Variants in NAB1 observed in about 807,000 individuals in gnomAD.
The protein encoded by NAB1 is NGFI-A binding protein 1.
Under a neutral mutation model 49.9 loss-of-function variants are expected in NAB1, and 25 were observed. The ratio of observed to expected loss-of-function variants is 0.50; its 90% CI spans 0.37 to 0.70. The LOEUF (loss-of-function observed/expected upper bound fraction) is 0.70, where lower values mean the gene tolerates loss of function less well. Among genes scored for constraint, NAB1 ranks in the 30% least tolerant of loss-of-function variants. The pLI is 0.00. For synonymous variants in NAB1, 198 were observed against 215.6 expected (o/e 0.92, Z 0.71); for missense variants, 489 against 575.9 (o/e 0.85, Z 1.54).
rs997805236 is a variant in NAB1 at position 190,651,108 on chromosome 2, A to G, written c.-197+1126A>G. ...TAATGACAACATTGAGGAACTGTAG[A>G]TTTTTATTTTATTCTGCCTGCTAAT... On this transcript the variant is annotated intron_variant, in intron 2 of 9. Transcript: ENST00000337386. The surrounding 1 kb of genome is among the most constrained non-coding windows in gnomAD (Gnocchi z 4.3). Among the ~76,000 whole-genome samples the G allele has an allele frequency of 2.0e-5, 3 of 152,172 alleles. No individual in the cohort carries two copies. Among genetic ancestry groups the G allele is most frequent in the African/African-American group, 7.2e-5 (3 of 41,442 alleles).
intron 2 of NAB1, among the ~76,000 whole-genome samples, 165 bp downstream of exon 2, chr2:190,650,147 T>A (rs1693585292): frequency 6.6e-6 from 1 of 152,186 alleles, no homozygotes; most frequent in African/African-American, 2.4e-5. Flanking sequence ...GAATATACAT[T>A]TGTCGATTCT....
Position 190,665,934 on chromosome 2 carries a change from T to TGG in NAB1, c.820-4390_820-4389dup, listed in dbSNP as rs1257721248. Among the ~76,000 whole-genome samples, 5 of 152,162 alleles carry TGG rather than the reference T, an allele frequency of 3.3e-5. 1 individual carries two copies. The highest frequency in any genetic ancestry group is 7.4e-5 in the Non-Finnish European group (5 of 68,026). On this transcript the variant is annotated intron_variant, in intron 4 of 9. Coordinates refer to ENST00000337386, the MANE Select transcript of NAB1 (RefSeq NM_005966.4). Reference sequence around the variant, plus strand: ...TAGACTCTTCAATTCTGATGGGCTGTGGGCTTTGCCTCTTTTTTCCTTCCC... The same window carrying TGG: ...TAGACTCTTCAATTCTGATGGGCTGTGGGGGCTTTGCCTCTTTTTTCCTTCCC...
rs1023572449 is a variant in NAB1 at position 190,676,221 on chromosome 2, CATT to C, written c.1005+3072_1005+3074del. Among the ~76,000 whole-genome samples, 4 of 151,808 alleles carry C rather than the reference CATT, an allele frequency of 2.6e-5. No homozygotes were observed. Among genetic ancestry groups the C allele is most frequent in the African/African-American group, 9.7e-5 (4 of 41,322 alleles). ...CGATGTGGGGAGGGGATTGGGGTGG[CATT>C]ATAAAGATAGACTAGCATGGGCAAA... On this transcript the variant is annotated intron_variant, in intron 6 of 9. Transcript: ENST00000337386. The surrounding 1 kb of genome is among the most constrained non-coding windows in gnomAD (Gnocchi z 4.6).
At chr2:190,673,836 C>A (rs10931468) in intron 6 of NAB1, among the ~76,000 whole-genome samples, 27,651 of 152,072 alleles carry the variant, frequency 0.18, 2,887 homozygotes, top group East Asian at 0.4. Flanking sequence ...TAGGACTCTC[C>A]GAACTATAGA....
chr2:190,664,614 T>TTTTTTTG (rs1553548974), intron 4 of NAB1, among the ~76,000 whole-genome samples: 10 of 111,872 alleles, frequency 8.9e-5, no homozygotes, highest in South Asian at 3.2e-4. Flanking sequence ...TTTTTTTTTT[T>TTTTTTTG]GTAGGGACAG....
intron 4 of NAB1, among the ~76,000 whole-genome samples, chr2:190,661,309 T>C (rs1694213590): frequency 6.6e-6 from 1 of 152,206 alleles, no homozygotes; most frequent in South Asian, 2.1e-4. Context: ...ATTACTTAAG[T>C]CATAGCCAGC....
rs754019617 is a variant in NAB1 at position 190,690,311 on chromosome 2, C to T, written c.1442C>T (p.Thr481Ile). ...ACCTTAGAAAAGAAAGTCATCAAAACAGAGCCTGAAGATTCAAGATAGCTG... is the reference window on the plus strand; with the variant it reads ...ACCTTAGAAAAGAAAGTCATCAAAATAGAGCCTGAAGATTCAAGATAGCTG... ...AFTLEKKVIK[T>I]EPEDSR Residue 481 changes from threonine to isoleucine, a missense_variant, in exon 10 of 10, where the codon ACA (threonine) becomes ATA (isoleucine). By Grantham distance (89) the Thr-to-Ile change is moderately conservative. Transcript: ENST00000337386. The T allele has an allele frequency of 6.2e-7, 1 of 1,611,828 alleles. No individual in the cohort carries two copies. The highest frequency in any genetic ancestry group is 1.3e-5 in the African/African-American group (1 of 74,956).
rs1422407793 is a variant in NAB1, at chr2:190,657,543, T to C, written c.-20+1390T>C. 2.0e-5 allele frequency among the ~76,000 whole-genome samples: 3 copies of C among 152,240 alleles called. No individual in the cohort carries two copies. ...TTTCCTGGGTTTTAGTAGAAGCTAC[T>C]GGGCCCTAATTCAGCCTTTGTTGTC... is the stretch of plus-strand genomic sequence containing the variant. On this transcript the variant is annotated intron_variant, in intron 3 of 9. Coordinates refer to ENST00000337386, the MANE Select transcript of NAB1 (RefSeq NM_005966.4). The surrounding 1 kb of genome is among the most constrained non-coding windows in gnomAD (Gnocchi z 4.4).
At position 190,677,327 on chromosome 2, in the gene NAB1, AAT is replaced by A. The variant is rs1695122474; in HGVS notation, c.1005+4180_1005+4181del. On this transcript the variant is annotated intron_variant, in intron 6 of 9. Transcript: ENST00000337386. This position sits in a 1 kb window ranked among gnomAD's most constrained non-coding sequence, Gnocchi z 5.6. Reference sequence around the variant, plus strand: ...ACAGATTTTGAACTTTAATTCCTAGAATATATGAGATGGACATGGAGAAAAAG... The same window carrying A: ...ACAGATTTTGAACTTTAATTCCTAGAATATGAGATGGACATGGAGAAAAAG... 1.3e-5 allele frequency: 2 copies of A among 152,226 alleles called. No individual in the cohort carries two copies. The highest frequency in any genetic ancestry group is 2.9e-5 in the Non-Finnish European group (2 of 68,034). 9.4% of individuals were successfully genotyped at this position (152,226 alleles called of 1,614,324 possible).
chr2:190,655,403 C>T (rs1352563319), intron 2 of NAB1, among the ~76,000 whole-genome samples: 2 of 151,628 alleles, frequency 1.3e-5, no homozygotes, highest in Non-Finnish European at 2.9e-5. Flanking sequence ...GTGAGATCAT[C>T]AAAAGAAAAT....
Position 190,659,599 on chromosome 2 carries a change from G to T in NAB1, c.423G>T (p.Gln141His). 1 of 1,614,234 alleles carries T rather than the reference G, an allele frequency of 6.2e-7. No individual in the cohort carries two copies. The highest frequency in any genetic ancestry group is 8.5e-7 in the Non-Finnish European group (1 of 1,180,038). Residue 141 changes from glutamine (Q) to histidine (H), a missense_variant, in exon 4 of 10, where the codon CAG becomes CAT. Coordinates refer to ENST00000337386, the MANE Select transcript of NAB1 (RefSeq NM_005966.4). The surrounding 1 kb of genome is among the most constrained non-coding windows in gnomAD (Gnocchi z 6.2). Reference protein sequence around the residue: ...AATTCVQSLGQGKSDVVGSLA... With the variant: ...AATTCVQSLGHGKSDVVGSLA... Reference sequence around the variant, plus strand: ...CCACCTGTGTGCAGAGCTTGGGACAGGGGAAGTCAGATGTGGTTGGGAGCC... The same window carrying T: ...CCACCTGTGTGCAGAGCTTGGGACATGGGAAGTCAGATGTGGTTGGGAGCC...
In NAB1 at chr2:190,689,748, T is replaced by C. The variant is rs1695822336; in HGVS notation, c.1376-497T>C. Among the ~76,000 whole-genome samples, 1 of 152,110 alleles carries C rather than the reference T, an allele frequency of 6.6e-6. No individual in the cohort carries two copies. The highest frequency in any genetic ancestry group is 2.1e-4 in the South Asian group (1 of 4,824). ...ACTTTAAAAAATAGTTCCAAGGTTA[T>C]GAAGATATTTTTCAGTCTGATTCCT... On this transcript the variant is annotated intron_variant, in intron 9 of 9. Coordinates refer to ENST00000337386, the MANE Select transcript of NAB1 (RefSeq NM_005966.4). The surrounding 1 kb of genome is among the most constrained non-coding windows in gnomAD (Gnocchi z 4.3).
intron 7 of NAB1, 131 bp downstream of exon 7, chr2:190,683,958 A>C: frequency 1.4e-6 from 1 of 705,422 alleles, no homozygotes; most frequent in Middle Eastern, 3.0e-4. Context: ...TTAAAACGTC[A>C]TCTGAGCCAC....
At chr2:190,650,598 G>A (rs1380784352) in intron 2 of NAB1, among the ~76,000 whole-genome samples, 2 of 152,076 alleles carry the variant, frequency 1.3e-5, no homozygotes, top group Non-Finnish European at 2.9e-5. Flanking sequence ...TTTGTGTGTG[G>A]GTTATAAGAA....
rs2125506120 is a variant in NAB1, at chr2:190,649,421, C to T, written c.-334+61C>T. Reference sequence around the variant, plus strand: ...CGCCAAGTGCGGGACACTTTCGCGGCTGAGCGGCCACGGGCGAACTTGGGG... The same window carrying T: ...CGCCAAGTGCGGGACACTTTCGCGGTTGAGCGGCCACGGGCGAACTTGGGG... On this transcript the variant is annotated intron_variant, in intron 1 of 9. Transcript: ENST00000337386. The surrounding 1 kb of genome is among the most constrained non-coding windows in gnomAD (Gnocchi z 6.1). 1 of 152,380 alleles carries T rather than the reference C, an allele frequency of 6.6e-6. No homozygotes were observed. The highest frequency in any genetic ancestry group is 2.4e-5 in the African/African-American group (1 of 41,568). 9.4% of individuals were successfully genotyped at this position (152,380 alleles called of 1,614,324 possible). A position where few individuals can be genotyped will look rare whatever the true frequency, so the allele number is the denominator to read the frequency against.
At chr2:190,662,918 A>G (rs1326902920) in intron 4 of NAB1, among the ~76,000 whole-genome samples, 2 of 152,198 alleles carry the variant, frequency 1.3e-5, no homozygotes, top group South Asian at 2.1e-4. Context: ...ACCCAGGCCT[A>G]TAGAATAAAC....
rs1255467872 is a variant in NAB1, at chr2:190,654,297, T to G, written c.-196-1680T>G. On this transcript the variant is annotated intron_variant, in intron 2 of 9. Coordinates refer to ENST00000337386, the MANE Select transcript of NAB1 (RefSeq NM_005966.4). The surrounding 1 kb of genome is among the most constrained non-coding windows in gnomAD (Gnocchi z 5.6). ...TTAAGTCTCTGCTTCTTGTCTCTCCTTGCTCTTAACTGACTCTCCATGAAG... is the reference window on the plus strand; with the variant it reads ...TTAAGTCTCTGCTTCTTGTCTCTCCGTGCTCTTAACTGACTCTCCATGAAG... 6.6e-6 allele frequency among the ~76,000 whole-genome samples: 1 copy of G among 152,224 alleles called. No individual in the cohort carries two copies. Among genetic ancestry groups the G allele is most frequent in the African/African-American group, 2.4e-5 (1 of 41,458 alleles).
upstream of NAB1, chr2:190,649,046 G>T (rs985318479): frequency 2.0e-5 from 3 of 146,746 alleles, no homozygotes; most frequent in Non-Finnish European, 4.6e-5. This position sits in a 1 kb window ranked among gnomAD's most constrained non-coding sequence, Gnocchi z 6.1. Flanking sequence ...AGGCAGGGGA[G>T]GGGAGGGCAA....
At position 190,676,116 on chromosome 2, in the gene NAB1, G is replaced by A. The variant is rs1268607943; in HGVS notation, c.1005+2964G>A. On this transcript the variant is annotated intron_variant, in intron 6 of 9. Transcript: ENST00000337386. This position sits in a 1 kb window ranked among gnomAD's most constrained non-coding sequence, Gnocchi z 4.6. ...TGGGGAGAGGGAGAATTTCTGGTATGAGAAGAGATCAGGGGAGACTATTGG... is the reference window on the plus strand; with the variant it reads ...TGGGGAGAGGGAGAATTTCTGGTATAAGAAGAGATCAGGGGAGACTATTGG... Among the ~76,000 whole-genome samples the A allele has an allele frequency of 3.3e-5, 5 of 152,134 alleles. No individual in the cohort carries two copies. Among genetic ancestry groups the A allele is most frequent in the Non-Finnish European group, 7.4e-5 (5 of 68,020 alleles).
Sources: allele counts gnomAD v4.1 joint callset (sites outside exome capture counted in the v4.1 genomes callset), GRCh38; gene constraint gnomAD v4.1.1; non-coding constraint Gnocchi (gnomAD v3.1); transcripts MANE v1.5; gene names NCBI Gene and HGNC (gene_info 2026-07-23, HGNC 2026-07-21).